Variants in GGA2 observed in about 807,000 individuals in gnomAD.
GGA2 encodes ADP-ribosylation factor-binding protein GGA2.
Under a neutral mutation model 79.5 loss-of-function variants are expected in GGA2, and 48 were observed. The observed-to-expected ratio is 0.60, with a 90% CI of 0.48 to 0.77. The LOEUF (loss-of-function observed/expected upper bound fraction) is 0.77. Among genes scored for constraint, GGA2 ranks in the 30% least tolerant of loss-of-function variants. The pLI, the probability that GGA2 is intolerant of heterozygous loss-of-function variation, is 0.00. For synonymous variants in GGA2, 317 were observed against 302.0 expected (o/e 1.05, Z -0.51); for missense variants, 770 against 774.0 (o/e 0.99, Z 0.06).
In GGA2 at chr16:23,474,903, C is replaced by A; in HGVS notation, c.1450+1G>T. Reference sequence around the variant, plus strand: ...AAGGTGGGGAGTGAAATTGTACTTACTGGGCTTAACAGACTCCAAAGGGAC... The same window carrying A: ...AAGGTGGGGAGTGAAATTGTACTTAATGGGCTTAACAGACTCCAAAGGGAC... On this transcript the variant is annotated splice_donor_variant, in intron 14 of 16. Transcript: ENST00000309859. LOFTEE classifies it high-confidence loss of function. 6.2e-7 allele frequency: 1 copy of A among 1,605,124 alleles called. No homozygotes were observed. Among genetic ancestry groups the A allele is most frequent in the Non-Finnish European group, 8.5e-7 (1 of 1,172,444 alleles).
At chr16:23,473,610 G>A (rs551597386) in intron 14 of GGA2, among the ~76,000 whole-genome samples, 31 of 152,142 alleles carry the variant, frequency 2.0e-4, no homozygotes, top group Middle Eastern at 6.8e-3. Flanking sequence ...TTACAGGCAT[G>A]AGCCACTGCG....
chr16:23,497,066 C>T (rs1964865431), intron 1 of GGA2, among the ~76,000 whole-genome samples: 2 of 150,414 alleles, frequency 1.3e-5, no homozygotes, highest in Admixed American at 6.6e-5. Flanking sequence ...GATCATGCCA[C>T]TGCACTCCAA....
At chr16:23,505,220 G>A (rs753218368) in intron 1 of GGA2, among the ~76,000 whole-genome samples, 6 of 152,090 alleles carry the variant, frequency 3.9e-5, no homozygotes, top group Non-Finnish European at 7.4e-5. Flanking sequence ...TCATCACCTG[G>A]GAGTAGGACC....
At chr16:23,483,924 G>A (rs1474482244) in intron 8 of GGA2, among the ~76,000 whole-genome samples, 1 of 150,632 alleles carries the variant, frequency 6.6e-6, no homozygotes, top group Non-Finnish European at 1.5e-5. Context: ...TGGGATTACA[G>A]GCATGAGCCA....
chr16:23,520,545 T>C (rs1489868146), intron 1 of GGA2, among the ~76,000 whole-genome samples: 1 of 151,710 alleles, frequency 6.6e-6, no homozygotes, highest in Non-Finnish European at 1.5e-5. Flanking sequence ...TGATTCCAGC[T>C]ACTCAAGAGG....
At chr16:23,503,023 T>C (rs1293965515) in intron 1 of GGA2, among the ~76,000 whole-genome samples, 1 of 152,232 alleles carries the variant, frequency 6.6e-6, no homozygotes, top group Non-Finnish European at 1.5e-5. Context: ...AATCCTCATC[T>C]TTCCTTGGGT....
At position 23,502,839 on chromosome 16, in the gene GGA2, T is replaced by A. The variant is rs534280231; in HGVS notation, c.92-7061A>T. Among the ~76,000 whole-genome samples, 45 of 152,340 alleles carry A rather than the reference T, an allele frequency of 3.0e-4. No homozygotes were observed. In the East Asian group the frequency reaches 8.3e-3, roughly 28 times the overall value. The stretch of plus-strand genomic sequence containing the variant: ...CTTCCAAAATAGAAAGTGCTGAGGA[T>A]CAACTGCCCCAGAGTCTACAAGGGA... On this transcript the variant is annotated intron_variant, in intron 1 of 16. Coordinates refer to ENST00000309859, the MANE Select transcript of GGA2 (RefSeq NM_015044.4).
intron 1 of GGA2, chr16:23,501,727 C>T (rs1027893474): frequency 6.4e-6 from 1 of 157,058 alleles, no homozygotes; most frequent in African/African-American, 2.4e-5. Context: ...GAAAATATCA[C>T]TTCTGCTGAA....
intron 8 of GGA2, among the ~76,000 whole-genome samples, chr16:23,485,442 C>T (rs1214452603): frequency 6.6e-6 from 1 of 152,146 alleles, no homozygotes; most frequent in East Asian, 1.9e-4. Flanking sequence ...GGTGCAATCA[C>T]CCTTGAAGAT....
intron 14 of GGA2, among the ~76,000 whole-genome samples, 168 bp downstream of exon 14, chr16:23,474,736 G>T (rs746656226): frequency 2.2e-4 from 33 of 152,050 alleles, no homozygotes; most frequent in Non-Finnish European, 1.6e-4. Context: ...ACAGGCGTGA[G>T]TCACCATACC....
chr16:23,509,938 T>C (rs1345081142), intron 1 of GGA2, among the ~76,000 whole-genome samples: 2 of 151,622 alleles, frequency 1.3e-5, no homozygotes, highest in Non-Finnish European at 2.9e-5. Flanking sequence ...GCTTCCGTAG[T>C]GGGGTTAATA....
chr16:23,505,613 C>A (rs1408603729), intron 1 of GGA2, among the ~76,000 whole-genome samples: 1 of 152,142 alleles, frequency 6.6e-6, no homozygotes, highest in African/African-American at 2.4e-5. Flanking sequence ...CTGGGAACAA[C>A]CCCTCTCCTC....
Position 23,478,888 on chromosome 16 carries a change from C to G in GGA2, c.1153G>C (p.Gly385Arg). Residue 385 changes from glycine (G) to arginine (R), a missense_variant, in exon 12 of 17, where the codon GGC becomes CGC. Transcript: ENST00000309859. ...CCTGGGAAGGGCATCCTTACCATGC[C>G]TGTAACAGGAGCATCACTGATTCCT... is the stretch of plus-strand genomic sequence containing the variant. Reference protein sequence around the residue: ...ALGISDAPVTGMVSGQNCCEE... With the variant: ...ALGISDAPVTRMVSGQNCCEE... 6.2e-7 allele frequency: 1 copy of G among 1,605,530 alleles called. No homozygotes were observed. The highest frequency in any genetic ancestry group is 8.5e-7 in the Non-Finnish European group (1 of 1,172,684).
chr16:23,484,950 A>C (rs1964693398), intron 8 of GGA2, among the ~76,000 whole-genome samples: 1 of 152,264 alleles, frequency 6.6e-6, no homozygotes, highest in Non-Finnish European at 1.5e-5. Flanking sequence ...ATTCAAAGGC[A>C]TCATTCATAA....
chr16:23,465,095 C>A lies in GGA2; in HGVS notation c.*2495G>T. On this transcript the variant is annotated 3_prime_UTR_variant, in exon 17 of 17. Transcript: ENST00000309859. ...ACACACATCATGAATTTGCTTCTCCCCAGAGGAAAAGAAGCTCCTTCAGGG... is the reference window on the plus strand; with the variant it reads ...ACACACATCATGAATTTGCTTCTCCACAGAGGAAAAGAAGCTCCTTCAGGG... 1.8e-6 allele frequency: 1 copy of A among 563,604 alleles called. No individual in the cohort carries two copies. Among genetic ancestry groups the A allele is most frequent in the Non-Finnish European group, 3.2e-6 (1 of 316,484 alleles). The allele number at this position is 563,604 out of a possible 1,614,324, so 34.9% of individuals were successfully genotyped here.
At chr16:23,520,887 G>A (rs1284518006) in intron 1 of GGA2, among the ~76,000 whole-genome samples, 1 of 152,126 alleles carries the variant, frequency 6.6e-6, no homozygotes, top group East Asian at 1.9e-4. Context: ...TTCTGTGGGG[G>A]TTCAAGTAAT....
chr16:23,490,823 C>T (rs1964773713), intron 5 of GGA2, among the ~76,000 whole-genome samples: 1 of 151,888 alleles, frequency 6.6e-6, no homozygotes, highest in African/African-American at 2.4e-5. Context: ...TATTTTATGT[C>T]TGCACGTTGT....
At chr16:23,509,739 A>C (rs538089820) in intron 1 of GGA2, among the ~76,000 whole-genome samples, 57 of 148,856 alleles carry the variant, frequency 3.8e-4, no homozygotes, top group African/African-American at 1.2e-3. Flanking sequence ...GGAAAAAAAA[A>C]ACACACATAT....
chr16:23,468,210 G>A (rs910920497), intron 16 of GGA2, among the ~76,000 whole-genome samples: 3 of 151,196 alleles, frequency 2.0e-5, no homozygotes, highest in South Asian at 2.1e-4. Flanking sequence ...ATAGAGTCTC[G>A]CTCTGTCACC....
Sources: gnomAD v4.1 joint callset for allele counts (sites outside exome capture counted in the v4.1 genomes callset) on GRCh38, gnomAD v4.1.1 for gene constraint, MANE v1.5 for transcripts, NCBI Gene and HGNC (gene_info 2026-07-23, HGNC 2026-07-21) for gene names.